Variants in EXD2 observed in about 807,000 individuals in gnomAD.
EXD2 encodes the protein exonuclease 3'-5' domain containing 2.
In EXD2, 40 loss-of-function variants were observed where a neutral mutation model predicts 62.5. The ratio of observed to expected loss-of-function variants is 0.64; its 90% CI spans 0.50 to 0.83. The LOEUF (loss-of-function observed/expected upper bound fraction) is 0.83. Among genes scored for constraint, EXD2 ranks in the 40% least tolerant of loss-of-function variants. The pLI, the probability that EXD2 is intolerant of heterozygous loss-of-function variation, is 0.00. For synonymous variants in EXD2, 239 were observed against 291.9 expected (o/e 0.82, Z 1.85); for missense variants, 671 against 761.8 (o/e 0.88, Z 1.40).
intron 8 of EXD2, among the ~76,000 whole-genome samples, chr14:69,237,337 C>A (rs1466991504): frequency 6.6e-6 from 1 of 152,192 alleles, no homozygotes; most frequent in Non-Finnish European, 1.5e-5. Context: ...GCTGGCCCAC[C>A]ACTGAAGCCC....
intron 1 of EXD2, 55 bp from the exon 2 acceptor site, chr14:69,203,862 A>G (rs1263048567): frequency 1.3e-5 from 2 of 152,212 alleles, no homozygotes; most frequent in Non-Finnish European, 2.9e-5. Context: ...AATTTTATTT[A>G]TCATTTTACT....
At chr14:69,227,204 C>T (rs190472312) in intron 3 of EXD2, among the ~76,000 whole-genome samples, 1 of 152,290 alleles carries the variant, frequency 6.6e-6, no homozygotes, top group African/African-American at 2.4e-5. Flanking sequence ...TGTACTTCCT[C>T]CCCACTTGTG....
At chr14:69,217,983 C>T (rs2043041753) in intron 3 of EXD2, among the ~76,000 whole-genome samples, 2 of 152,142 alleles carry the variant, frequency 1.3e-5, no homozygotes, top group Non-Finnish European at 2.9e-5. Flanking sequence ...TGAATAGTGC[C>T]ACAATAAACA....
intron 5 of EXD2, 105 bp downstream of exon 5, chr14:69,230,703 T>C: frequency 3.1e-6 from 4 of 1,297,924 alleles, no homozygotes; most frequent in Non-Finnish European, 4.2e-6. Flanking sequence ...TGGATGGAGA[T>C]GCCTTAAAAT....
intron 3 of EXD2, among the ~76,000 whole-genome samples, chr14:69,219,317 A>G (rs1385626144): frequency 6.6e-6 from 1 of 152,064 alleles, no homozygotes; most frequent in East Asian, 1.9e-4. Context: ...TTTGTCTGTT[A>G]TTGGTGTATA....
rs60787528 is a variant in EXD2, at chr14:69,206,455, C to CCT, written c.-48+2455_-48+2456insCT. Among the ~76,000 whole-genome samples the CCT allele has an allele frequency of 1.5e-3, 141 of 94,640 alleles. 42 individuals are homozygous for CCT. Among genetic ancestry groups the CCT allele is most frequent in the African/African-American group, 3.2e-3 (71 of 22,180 alleles). The allele number at this position is 94,640 out of a possible 152,430, so 62.1% of individuals were successfully genotyped here. On this transcript the variant is annotated intron_variant, in intron 2 of 9. Transcript: ENST00000685843. ...CCCAGCTTCATCTCCCACCCACCCA[C>CCT]TTTTTTTTTTTTTTTTTTTTTTTTT...
At chr14:69,231,382 C>T (rs1273154704) in intron 5 of EXD2, among the ~76,000 whole-genome samples, 1 of 152,012 alleles carries the variant, frequency 6.6e-6, no homozygotes, top group African/African-American at 2.4e-5. Context: ...GTGGGAGATA[C>T]GGTTTAGTAC....
intron 3 of EXD2, among the ~76,000 whole-genome samples, chr14:69,217,696 C>A (rs907870294): frequency 6.6e-6 from 1 of 152,122 alleles, no homozygotes; most frequent in Non-Finnish European, 1.5e-5. Flanking sequence ...CCCCTCCCCC[C>A]ACTCCATGAC....
In EXD2 at chr14:69,241,223, C is replaced by A; in HGVS notation, c.*123C>A. ...GTGTGACACAACTCAGAATACTAAC[C>A]TAGACTAATCCCAGGATGCTTCTGC... On this transcript the variant is annotated 3_prime_UTR_variant, in exon 10 of 10. Transcript: ENST00000685843. 1.4e-6 allele frequency: 1 copy of A among 725,944 alleles called. No individual in the cohort carries two copies. The highest frequency in any genetic ancestry group is 2.2e-6 in the Non-Finnish European group (1 of 449,934). The allele number at this position is 725,944 out of a possible 1,614,324, so 45.0% of individuals were successfully genotyped here.
intron 3 of EXD2, among the ~76,000 whole-genome samples, chr14:69,220,275 T>G (rs2043134790): frequency 1.8e-5 from 2 of 113,438 alleles, no homozygotes; most frequent in Admixed American, 9.3e-5. Context: ...TTTTTTTTTT[T>G]TTTTTTTTTT....
At chr14:69,235,371 G>A (rs2043741819) in intron 6 of EXD2, among the ~76,000 whole-genome samples, 1 of 152,114 alleles carries the variant, frequency 6.6e-6, no homozygotes, top group Non-Finnish European at 1.5e-5. Flanking sequence ...CTTGTTTCAG[G>A]CTAGCTGTGG....
intron 6 of EXD2, 55 bp from the exon 7 acceptor site, chr14:69,235,991 C>A: frequency 1.5e-6 from 2 of 1,326,644 alleles, no homozygotes; most frequent in Non-Finnish European, 2.2e-6. Flanking sequence ...AGGCAACAGA[C>A]ATTTTGACCC....
At chr14:69,215,967 TTTG>T (rs1229178377) in intron 3 of EXD2, among the ~76,000 whole-genome samples, 3 of 152,320 alleles carry the variant, frequency 2.0e-5, no homozygotes, top group Admixed American at 6.5e-5. Flanking sequence ...GATGTTTAAT[TTTG>T]ATAAACAGAA....
intron 1 of EXD2, among the ~76,000 whole-genome samples, chr14:69,192,788 T>G (rs1187477604): frequency 1.3e-5 from 2 of 152,196 alleles, no homozygotes; most frequent in African/African-American, 4.8e-5. Flanking sequence ...TTGGAATTTT[T>G]TCTTTGTCAG....
At chr14:69,223,037 G>A (rs1485481601) in intron 3 of EXD2, among the ~76,000 whole-genome samples, 3 of 152,158 alleles carry the variant, frequency 2.0e-5, no homozygotes, top group South Asian at 2.1e-4. Flanking sequence ...TCTTTAAAAT[G>A]TGAACTCTAC....
In EXD2 at chr14:69,209,532, G is replaced by C. The variant is rs1390454237; in HGVS notation, c.62G>C (p.Gly21Ala). Reference protein sequence around the residue: ...VTTLLGVAVGGFVLWKGIQRR... With the variant: ...VTTLLGVAVGAFVLWKGIQRR... ...ACCCTTCTGGGTGTGGCTGTAGGGG[G>C]GTTTGTCCTCTGGAAAGGCATCCAG... The change falls in exon 3 of 10, where the codon GGG (glycine) becomes GCG (alanine). Residue 21 changes from glycine (G) to alanine (A), a missense_variant. By Grantham distance (60) the Gly-to-Ala change is moderately conservative. Transcript: ENST00000685843. 2.1e-5 allele frequency: 32 copies of C among 1,550,464 alleles called. No individual in the cohort carries two copies. The highest frequency in any genetic ancestry group is 7.8e-5 in the Admixed American group (4 of 50,960).
At chr14:69,233,225 A>G (rs1221747753) in intron 5 of EXD2, among the ~76,000 whole-genome samples, 3 of 152,130 alleles carry the variant, frequency 2.0e-5, no homozygotes, top group Non-Finnish European at 2.9e-5. Context: ...AGATATGTAG[A>G]TTGTTGGATC....
At chr14:69,224,284 G>A (rs1353502624) in intron 3 of EXD2, 1 of 152,806 alleles carries the variant, frequency 6.5e-6, no homozygotes, top group Non-Finnish European at 1.5e-5. Flanking sequence ...TTACAGGTAT[G>A]AGCCACCATA....
chr14:69,200,149 G>A (rs189193025), intron 1 of EXD2, among the ~76,000 whole-genome samples: 143 of 152,210 alleles, frequency 9.4e-4, no homozygotes, highest in African/African-American at 3.3e-3. Context: ...GTTGTTGACC[G>A]AAACATTGTT....
Sources: gnomAD v4.1 joint callset for allele counts (sites outside exome capture counted in the v4.1 genomes callset) on GRCh38, gnomAD v4.1.1 for gene constraint, MANE v1.5 for transcripts, NCBI Gene and HGNC (gene_info 2026-07-23, HGNC 2026-07-21) for gene names.